The following BMPR1B variants were observed in gnomAD, a reference collection of about 807,000 sequenced individuals.
The protein encoded by BMPR1B is bone morphogenetic protein receptor type 1B, also known as bone morphogenetic protein receptor type-1B.
A neutral mutation model predicts 59.1 loss-of-function variants in BMPR1B; 12 were observed. The ratio of observed to expected loss-of-function variants is 0.20; its 90% CI spans 0.13 to 0.33. The LOEUF (loss-of-function observed/expected upper bound fraction) is 0.33. Ranked by LOEUF, BMPR1B falls within the 10% of genes least tolerant of loss-of-function variation. The pLI, the probability that BMPR1B is intolerant of heterozygous loss-of-function variation, is 1.00. For missense variants in BMPR1B, 550 were observed against 610.9 expected, an observed-to-expected ratio of 0.90 and a Z score of 1.05; for synonymous variants, 237 against 207.3, an observed-to-expected ratio of 1.14 and a Z score of -1.23.
At chr4:95,068,490 T>C (rs1728023906) in intron 3 of BMPR1B, among the ~76,000 whole-genome samples, 1 of 152,006 alleles carries the variant, frequency 6.6e-6, no homozygotes, top group Non-Finnish European at 1.5e-5. Context: ...CACTATCTCA[T>C]CTCCTGGCCT....
intron 3 of BMPR1B, among the ~76,000 whole-genome samples, chr4:95,096,453 T>A: frequency 6.6e-6 from 1 of 151,396 alleles, no homozygotes; most frequent in East Asian, 1.9e-4. Context: ...TCTGTAAATC[T>A]ATTTCTAAAG....
At chr4:94,977,300 C>G (rs1244276487) in intron 2 of BMPR1B, among the ~76,000 whole-genome samples, 1 of 152,128 alleles carries the variant, frequency 6.6e-6, no homozygotes, top group Non-Finnish European at 1.5e-5. Flanking sequence ...AAGGTGCCAT[C>G]ATATTGGTGT....
At chr4:94,890,625 A>G (rs1178172205) in intron 2 of BMPR1B, among the ~76,000 whole-genome samples, 1 of 152,028 alleles carries the variant, frequency 6.6e-6, no homozygotes, top group African/African-American at 2.4e-5. Context: ...ATTTTTTTCC[A>G]CAGTTCTGGA....
chr4:94,782,467 G>C (rs1399082351), intron 1 of BMPR1B, among the ~76,000 whole-genome samples: 1 of 151,738 alleles, frequency 6.6e-6, no homozygotes, highest in South Asian at 2.1e-4. Context: ...ACCATACCTG[G>C]CTAATTTTTG....
intron 1 of BMPR1B, among the ~76,000 whole-genome samples, chr4:94,794,743 T>G (rs1405923059): frequency 1.3e-5 from 2 of 152,140 alleles, no homozygotes; most frequent in Non-Finnish European, 2.9e-5. Context: ...ACATCCCTTG[T>G]AAATTGGATT....
intron 3 of BMPR1B, among the ~76,000 whole-genome samples, chr4:95,084,618 C>T (rs1343898048): frequency 6.6e-6 from 1 of 152,170 alleles, no homozygotes; most frequent in Non-Finnish European, 1.5e-5. Flanking sequence ...TTAGAAACAT[C>T]TATTACCCTC....
intron 10 of BMPR1B, among the ~76,000 whole-genome samples, chr4:95,138,207 T>C (rs943570227): frequency 3.9e-5 from 6 of 152,220 alleles, no homozygotes; most frequent in Non-Finnish European, 8.8e-5. Context: ...CTGAACATTC[T>C]TTTCTTTAAG....
intron 1 of BMPR1B, among the ~76,000 whole-genome samples, chr4:94,791,135 C>T (rs35627971): frequency 0.3 from 45,983 of 151,844 alleles, 7,541 homozygotes; most frequent in African/African-American, 0.42. Flanking sequence ...GGATTACAGG[C>T]GTACCACCAC....
At chr4:94,905,869 GA>G (rs1486384938) in intron 2 of BMPR1B, among the ~76,000 whole-genome samples, 1 of 149,758 alleles carries the variant, frequency 6.7e-6, no homozygotes, top group Non-Finnish European at 1.5e-5. Flanking sequence ...AGAGAACAGT[GA>G]TGTATTTTAA....
intron 2 of BMPR1B, among the ~76,000 whole-genome samples, chr4:94,912,309 A>G (rs1179115846): frequency 6.6e-6 from 1 of 152,168 alleles, no homozygotes; most frequent in Non-Finnish European, 1.5e-5. Context: ...TAAGTAAAGT[A>G]CAAAGTGGAA....
rs188800893 is a variant in BMPR1B, at chr4:94,769,206, T to C, written c.-183+11138T>C. 8.6e-3 allele frequency among the ~76,000 whole-genome samples: 1,305 copies of C among 152,370 alleles called. 13 individuals are homozygous for C. The highest frequency in any genetic ancestry group is 0.013 in the Non-Finnish European group (897 of 68,038). ...ATCTGTAGTTTGTGAATAATGTCTT[T>C]CTTACAAATGGAATTATTAAATATT... On this transcript the variant is annotated intron_variant, in intron 1 of 12. Transcript: ENST00000515059.
At chr4:94,793,957 A>G (rs1169638361) in intron 1 of BMPR1B, among the ~76,000 whole-genome samples, 2 of 148,584 alleles carry the variant, frequency 1.3e-5, no homozygotes, top group African/African-American at 4.9e-5. Flanking sequence ...ATTTTCTCCC[A>G]TTTTGTAGGT....
At chr4:95,115,149 A>G (rs189978026) in intron 5 of BMPR1B, among the ~76,000 whole-genome samples, 76 of 152,184 alleles carry the variant, frequency 5.0e-4, no homozygotes, top group African/African-American at 1.8e-3. Context: ...CTTTTGGCCT[A>G]TGTGTGTAGT....
At chr4:94,921,527 G>A (rs897849564) in intron 2 of BMPR1B, among the ~76,000 whole-genome samples, 2 of 151,972 alleles carry the variant, frequency 1.3e-5, no homozygotes, top group Non-Finnish European at 2.9e-5. Context: ...GTGAAAGCAG[G>A]ACCAAGACAG....
At chr4:94,823,311 G>C (rs966600042) in intron 1 of BMPR1B, among the ~76,000 whole-genome samples, 4 of 152,154 alleles carry the variant, frequency 2.6e-5, no homozygotes, top group African/African-American at 9.7e-5. Context: ...CTTTGCTTTT[G>C]AGGGGTCAGT....
intron 1 of BMPR1B, among the ~76,000 whole-genome samples, chr4:94,767,275 G>A (rs1418371790): frequency 6.6e-6 from 1 of 152,080 alleles, no homozygotes; most frequent in Admixed American, 6.5e-5. Flanking sequence ...TCCCACCATT[G>A]CATGTTTGAG....
At chr4:94,776,950 C>T (rs1447898667) in intron 1 of BMPR1B, among the ~76,000 whole-genome samples, 1 of 151,982 alleles carries the variant, frequency 6.6e-6, no homozygotes, top group East Asian at 1.9e-4. Context: ...TGTGAATTAC[C>T]ATCTTAATTT....
intron 1 of BMPR1B, among the ~76,000 whole-genome samples, chr4:94,861,077 C>G (rs972170680): frequency 6.6e-6 from 1 of 151,882 alleles, no homozygotes; most frequent in Non-Finnish European, 1.5e-5. Flanking sequence ...GTGTCTATCT[C>G]TTTTGCCTGG....
intron 10 of BMPR1B, among the ~76,000 whole-genome samples, chr4:95,136,791 C>A (rs1733825077): frequency 6.6e-6 from 1 of 151,628 alleles, no homozygotes; most frequent in East Asian, 1.9e-4. Flanking sequence ...CTATTTGATT[C>A]TTCTCTCTTT....
Sources: allele counts gnomAD v4.1 joint callset (sites outside exome capture counted in the v4.1 genomes callset), GRCh38; gene constraint gnomAD v4.1.1; transcripts MANE v1.5; gene names NCBI Gene and HGNC (gene_info 2026-07-23, HGNC 2026-07-21).